The following ZNF385B variants were observed in gnomAD, a reference collection of about 807,000 sequenced individuals.
The protein encoded by ZNF385B is zinc finger protein 533.
In ZNF385B, 23 loss-of-function variants were observed where a neutral mutation model predicts 39.2. The observed-to-expected ratio is 0.59, with a 90% confidence interval of 0.42 to 0.83. The LOEUF (loss-of-function observed/expected upper bound fraction) is 0.83, where lower values mean the gene tolerates loss of function less well. Ranked by LOEUF, ZNF385B falls within the 40% of genes least tolerant of loss-of-function variation. The pLI is 0.00. For synonymous variants in ZNF385B, 205 were observed against 222.6 expected, an observed-to-expected ratio of 0.92 and a Z score of 0.70; for missense variants, 552 against 598.9, an observed-to-expected ratio of 0.92 and a Z score of 0.82.
chr2:179,710,521 C>T (rs573571163), intron 3 of ZNF385B, among the ~76,000 whole-genome samples: 6 of 152,166 alleles, frequency 3.9e-5, no homozygotes, highest in Admixed American at 2.6e-4. Flanking sequence ...CTGTCATCCT[C>T]CCATTACGGA....
intron 1 of ZNF385B, among the ~76,000 whole-genome samples, chr2:179,778,072 T>C (rs1704449412): frequency 6.6e-6 from 1 of 152,182 alleles, no homozygotes; most frequent in African/African-American, 2.4e-5. Context: ...GGCTTTATTC[T>C]TAGTCAAATA....
chr2:179,595,715 T>A (rs1215912935), intron 3 of ZNF385B, among the ~76,000 whole-genome samples: 2 of 148,246 alleles, frequency 1.3e-5, no homozygotes, highest in Non-Finnish European at 3.0e-5. Flanking sequence ...AATCTTGACC[T>A]CCTGGGCTCC....
At chr2:179,464,259 G>A (rs1404674299) in intron 6 of ZNF385B, among the ~76,000 whole-genome samples, 1 of 152,166 alleles carries the variant, frequency 6.6e-6, no homozygotes, top group Non-Finnish European at 1.5e-5. Flanking sequence ...CCCTTTGTCA[G>A]ATGGCTAGAT....
At chr2:179,647,307 A>G (rs1324700490) in intron 3 of ZNF385B, among the ~76,000 whole-genome samples, 1 of 152,030 alleles carries the variant, frequency 6.6e-6, no homozygotes, top group Non-Finnish European at 1.5e-5. Flanking sequence ...GCACATATTT[A>G]TGTGGTACAT....
chr2:179,721,531 C>T (rs1020742421), intron 3 of ZNF385B, among the ~76,000 whole-genome samples: 5 of 152,118 alleles, frequency 3.3e-5, no homozygotes, highest in East Asian at 1.9e-4. Context: ...GAAATTATTT[C>T]ATTCTTCCTC....
intron 1 of ZNF385B, among the ~76,000 whole-genome samples, chr2:179,772,315 C>T (rs1704058881): frequency 6.6e-6 from 1 of 152,122 alleles, no homozygotes; most frequent in Non-Finnish European, 1.5e-5. Context: ...TTACCTTCTC[C>T]AAGAGTTATT....
At chr2:179,497,093 C>A (rs961968716) in intron 5 of ZNF385B, among the ~76,000 whole-genome samples, 5 of 151,984 alleles carry the variant, frequency 3.3e-5, no homozygotes, top group Non-Finnish European at 7.4e-5. Flanking sequence ...AAAGACTTTC[C>A]CAGACAAACA....
chr2:179,581,058 T>C (rs1686450248), intron 3 of ZNF385B, among the ~76,000 whole-genome samples: 1 of 152,150 alleles, frequency 6.6e-6, no homozygotes, highest in Admixed American at 6.5e-5. Context: ...TAGGAAATAA[T>C]TAAACCAAAC....
rs1414251823 is a variant in ZNF385B at position 179,548,048 on chromosome 2, G to T, written c.299-3079C>A. Among the ~76,000 whole-genome samples the T allele has an allele frequency of 2.0e-5, 3 of 149,468 alleles. 1 individual carries two copies. The highest frequency in any genetic ancestry group is 7.6e-5 in the African/African-American group (3 of 39,694). ...TTGTTTGCTGTTGGTACATAGAAATGCTACTGATTTTTGTATGTTGATTTT... is the reference window on the plus strand; with the variant it reads ...TTGTTTGCTGTTGGTACATAGAAATTCTACTGATTTTTGTATGTTGATTTT... On this transcript the variant is annotated intron_variant, in intron 3 of 9. Coordinates refer to ENST00000410066, the MANE Select transcript of ZNF385B (RefSeq NM_152520.6).
intron 1 of ZNF385B, among the ~76,000 whole-genome samples, chr2:179,843,030 T>A (rs947116908): frequency 6.6e-6 from 1 of 152,164 alleles, no homozygotes; most frequent in Admixed American, 6.5e-5. Flanking sequence ...GCCACAGCAT[T>A]GAGGGTGCTC....
intron 1 of ZNF385B, among the ~76,000 whole-genome samples, chr2:179,837,807 G>A (rs996952692): frequency 2.6e-5 from 4 of 152,110 alleles, no homozygotes; most frequent in Non-Finnish European, 4.4e-5. Context: ...AAAATAAGGC[G>A]TGTAATCTAA....
chr2:179,457,085 C>T (rs2050788239), intron 6 of ZNF385B, among the ~76,000 whole-genome samples: 1 of 152,074 alleles, frequency 6.6e-6, no homozygotes, highest in African/African-American at 2.4e-5. Flanking sequence ...CCTCTATTAA[C>T]CTAGATCAGT....
At chr2:179,605,522 A>G (rs940330925) in intron 3 of ZNF385B, among the ~76,000 whole-genome samples, 1 of 152,158 alleles carries the variant, frequency 6.6e-6, no homozygotes, top group Non-Finnish European at 1.5e-5. Context: ...ATTCACATTG[A>G]GTCATCAAAA....
At chr2:179,696,326 CTTTTTTTTTTTTT>C (rs71029828) in intron 3 of ZNF385B, among the ~76,000 whole-genome samples, 1 of 40,354 alleles carries the variant, frequency 2.5e-5, no homozygotes, top group East Asian at 7.9e-4. Context: ...CAAACTGGGA[CTTTTTTTTTTTTT>C]TTTTTTTTTT....
intron 3 of ZNF385B, among the ~76,000 whole-genome samples, chr2:179,643,237 G>GATT (rs1437729462): frequency 6.6e-6 from 1 of 151,064 alleles, no homozygotes; most frequent in Non-Finnish European, 1.5e-5. Flanking sequence ...TAAATACATT[G>GATT]ATGATGTCAA....
chr2:179,644,523 CA>C (rs1692545401), intron 3 of ZNF385B, among the ~76,000 whole-genome samples: 1 of 152,132 alleles, frequency 6.6e-6, no homozygotes, highest in Admixed American at 6.5e-5. Flanking sequence ...TTCTATGAGC[CA>C]CAAATCTTTT....
In ZNF385B at chr2:179,518,547, T is replaced by C; in HGVS notation, c.533A>G (p.Gln178Arg). The C allele has an allele frequency of 6.2e-7, 1 of 1,606,752 alleles. No homozygotes were observed. The change falls in exon 5 of 10, where the codon CAG (glutamine) becomes CGG (arginine). Residue 178 changes from glutamine to arginine, a missense_variant. By Grantham distance (43) the Gln-to-Arg change is conservative. Transcript: ENST00000410066. Reference protein sequence around the residue: ...KKQVISCNVCQLRFNSDSQAE... With the variant: ...KKQVISCNVCRLRFNSDSQAE... ...ACTCACATCTGAGTTAAAGCGAAGC[T>C]GACAGACATTACAAGAAATAACTTG...
chr2:179,734,367 C>A (rs987724606), intron 3 of ZNF385B, among the ~76,000 whole-genome samples: 2 of 152,160 alleles, frequency 1.3e-5, no homozygotes, highest in Non-Finnish European at 2.9e-5. Context: ...CATTGCCCTG[C>A]AAATATTAAA....
At chr2:179,506,003 G>A (rs1273729578) in intron 5 of ZNF385B, among the ~76,000 whole-genome samples, 2 of 151,994 alleles carry the variant, frequency 1.3e-5, no homozygotes, top group African/African-American at 4.8e-5. Context: ...TAAAATGAGA[G>A]CTTTTTCAAA....
Sources: gnomAD v4.1 joint callset for allele counts (sites outside exome capture counted in the v4.1 genomes callset) on GRCh38, gnomAD v4.1.1 for gene constraint, MANE v1.5 for transcripts, NCBI Gene and HGNC (gene_info 2026-07-23, HGNC 2026-07-21) for gene names.